HSPBAP1: variants seen among roughly 807,000 people sequenced by gnomAD.
The protein encoded by HSPBAP1 is HSPB1-associated protein 1.
In HSPBAP1, 27 loss-of-function variants were observed where a neutral mutation model predicts 45.2. That is an observed-to-expected ratio of 0.60 (90% confidence interval 0.44 to 0.82). The LOEUF (loss-of-function observed/expected upper bound fraction) is 0.82, where lower values mean the gene tolerates loss of function less well. Among genes scored for constraint, HSPBAP1 ranks in the 40% least tolerant of loss-of-function variants. The probability of loss-of-function intolerance (pLI) is 0.00; values close to 1 mark genes in which losing one functional copy is unlikely to be tolerated. For synonymous variants in HSPBAP1, 204 were observed against 202.7 expected (o/e 1.01, Z -0.06); for missense variants, 510 against 590.9 (o/e 0.86, Z 1.42).
intron 6 of HSPBAP1, among the ~76,000 whole-genome samples, chr3:122,747,903 G>C (rs966437110): frequency 6.6e-6 from 1 of 152,288 alleles, no homozygotes; most frequent in Non-Finnish European, 1.5e-5. Context: ...CATTGAGAAC[G>C]GGCCATGATG....
intron 1 of HSPBAP1, 118 bp downstream of exon 1, chr3:122,793,499 T>G: frequency 1.3e-6 from 1 of 782,204 alleles, no homozygotes; most frequent in Non-Finnish European, 2.2e-6. Flanking sequence ...CTTCATAGTC[T>G]AATGCAAGGC....
In HSPBAP1 at chr3:122,740,499, C is replaced by T. The variant is rs1933623539; in HGVS notation, c.1313G>A (p.Ser438Asn). 1 of 1,614,150 alleles carries T rather than the reference C, an allele frequency of 6.2e-7. No individual in the cohort carries two copies. Among genetic ancestry groups the T allele is most frequent in the Non-Finnish European group, 8.5e-7 (1 of 1,180,030 alleles). ...LHCAKRQQIM[S>N]NSENAIEEQI... Reference sequence around the variant, plus strand: ...TTCCTCAATTGCATTTTCACTGTTGCTCATTATTTGTTGTCTCTTGGCACA... The same window carrying T: ...TTCCTCAATTGCATTTTCACTGTTGTTCATTATTTGTTGTCTCTTGGCACA... Residue 438 changes from serine (S) to asparagine (N), a missense_variant, in exon 8 of 8, where the codon AGC becomes AAC. Ser to Asn is a conservative substitution (Grantham distance 46). Coordinates refer to ENST00000306103, the MANE Select transcript of HSPBAP1 (RefSeq NM_024610.6).
chr3:122,740,629 C>A lies in HSPBAP1; in HGVS notation c.1183G>T (p.Val395Leu). 6.2e-7 allele frequency: 1 copy of A among 1,614,164 alleles called. No individual in the cohort carries two copies. Among genetic ancestry groups the A allele is most frequent in the South Asian group, 1.1e-5 (1 of 91,084 alleles). The change falls in exon 8 of 8, where the codon GTA becomes TTA. Residue 395 changes from valine to leucine, a missense_variant. Transcript: ENST00000306103. ...ASPFGPDLVP[V>L]AQRSEEPPSE... ...GGCGGTTCTTCGGACCTCTGTGCTA[C>A]AGGGACCAGATCAGGGCCAAAGGGA...
intron 5 of HSPBAP1, chr3:122,753,295 G>T: frequency 3.1e-6 from 1 of 322,348 alleles, no homozygotes; most frequent in Non-Finnish European, 4.5e-6. Context: ...GAGGGAGGTA[G>T]GACTACAGAA....
chr3:122,747,145 G>A (rs910660391), intron 6 of HSPBAP1, among the ~76,000 whole-genome samples: 7 of 151,330 alleles, frequency 4.6e-5, no homozygotes, highest in Non-Finnish European at 8.8e-5. Context: ...CCCTCTGCCC[G>A]GCTGCCCAGT....
intron 2 of HSPBAP1, among the ~76,000 whole-genome samples, chr3:122,772,840 TATTTTTTC>T (rs1935048778): frequency 6.6e-6 from 1 of 151,362 alleles, no homozygotes; most frequent in Non-Finnish European, 1.5e-5. Flanking sequence ...ACACAATCTT[TATTTTTTC>T]ATTTTTTTTA....
rs553410645 is a variant in HSPBAP1 at position 122,748,638 on chromosome 3, T to A, written c.825+3953A>T. On this transcript the variant is annotated intron_variant, in intron 6 of 7. Transcript: ENST00000306103. The stretch of plus-strand genomic sequence containing the variant: ...AACAAGCACTTTCACATACTACTAA[T>A]GGAAATGCAAAATGGCACAATCACA... 2.6e-5 allele frequency among the ~76,000 whole-genome samples: 4 copies of A among 152,288 alleles called. No individual in the cohort carries two copies. In the South Asian group the frequency reaches 8.3e-4, roughly 32 times the overall value.
chr3:122,792,162 G>GA (rs1935851710), intron 1 of HSPBAP1, among the ~76,000 whole-genome samples: 1 of 152,174 alleles, frequency 6.6e-6, no homozygotes, highest in Admixed American at 6.5e-5. Flanking sequence ...AGAAACAGAG[G>GA]ATCAGAGGGA....
intron 6 of HSPBAP1, among the ~76,000 whole-genome samples, chr3:122,751,158 C>T (rs1180415905): frequency 6.6e-6 from 1 of 152,206 alleles, no homozygotes; most frequent in African/African-American, 2.4e-5. Context: ...ATAAGGCCTA[C>T]TGATATTCAG....
At chr3:122,765,916 G>C (rs1246463189) in intron 3 of HSPBAP1, among the ~76,000 whole-genome samples, 2 of 152,122 alleles carry the variant, frequency 1.3e-5, no homozygotes, top group Non-Finnish European at 1.5e-5. Flanking sequence ...CATCAAGTTT[G>C]GTGTGTGTGG....
At chr3:122,788,153 C>CT (rs1446559551) in intron 1 of HSPBAP1, among the ~76,000 whole-genome samples, 3 of 152,272 alleles carry the variant, frequency 2.0e-5, no homozygotes, top group Admixed American at 2.0e-4. Flanking sequence ...GTTCATGAGC[C>CT]TTTTAGCTTC....
At chr3:122,782,826 A>G (rs1350309638) in intron 1 of HSPBAP1, among the ~76,000 whole-genome samples, 1 of 152,256 alleles carries the variant, frequency 6.6e-6, no homozygotes, top group East Asian at 1.9e-4. Flanking sequence ...TAGGGAAGGA[A>G]TCATCAAAGA....
In HSPBAP1 at chr3:122,756,218, C is replaced by T. The variant is rs550001011; in HGVS notation, c.570-787G>A. ...AAAAACCTAGTTCTGAGAAAAGAAG[C>T]CCAAAGCCCTCTAGTGACCCCTTGC... On this transcript the variant is annotated intron_variant, in intron 4 of 7. Coordinates refer to ENST00000306103, the MANE Select transcript of HSPBAP1 (RefSeq NM_024610.6). Among the ~76,000 whole-genome samples, 14 of 152,230 alleles carry T rather than the reference C, an allele frequency of 9.2e-5. No homozygotes were observed. The South Asian group carries it at 2.5e-3, about 27-fold the overall frequency.
intron 1 of HSPBAP1, among the ~76,000 whole-genome samples, chr3:122,783,716 T>C (rs1055963312): frequency 6.6e-6 from 1 of 152,226 alleles, no homozygotes; most frequent in Admixed American, 6.5e-5. Flanking sequence ...GAAAAGTGAC[T>C]GGGAAGTTAA....
chr3:122,760,292 C>A (rs1431189219), intron 3 of HSPBAP1, among the ~76,000 whole-genome samples: 8 of 151,774 alleles, frequency 5.3e-5, no homozygotes, highest in African/African-American at 1.9e-4. Flanking sequence ...ACTAGTGAAC[C>A]AGGCATGATG....
chr3:122,765,570 G>A (rs1361910122), intron 3 of HSPBAP1, among the ~76,000 whole-genome samples: 17 of 133,720 alleles, frequency 1.3e-4, no homozygotes, highest in Non-Finnish European at 2.5e-4. Context: ...GACAGAGTCA[G>A]ACTCTGTCTC....
At chr3:122,784,029 C>T (rs1324150462) in intron 1 of HSPBAP1, among the ~76,000 whole-genome samples, 10 of 151,874 alleles carry the variant, frequency 6.6e-5, no homozygotes, top group African/African-American at 2.4e-4. Context: ...TGGGGTTTCA[C>T]CATGTTAGCC....
intron 1 of HSPBAP1, among the ~76,000 whole-genome samples, chr3:122,779,523 T>TA (rs1553756437): frequency 1.1e-4 from 15 of 135,572 alleles, no homozygotes; most frequent in Non-Finnish European, 1.8e-4. Context: ...TTTATTTATT[T>TA]TTTATTGATC....
intron 1 of HSPBAP1, among the ~76,000 whole-genome samples, chr3:122,779,847 A>C (rs1367505160): frequency 2.8e-4 from 43 of 151,988 alleles, no homozygotes; most frequent in African/African-American, 9.2e-4. Flanking sequence ...TCAACAGGAT[A>C]CCAAGGCAGA....
Sources: gnomAD v4.1 joint callset for allele counts (sites outside exome capture counted in the v4.1 genomes callset) on GRCh38, gnomAD v4.1.1 for gene constraint, MANE v1.5 for transcripts, NCBI Gene and HGNC (gene_info 2026-07-23, HGNC 2026-07-21) for gene names.